ENAH: variants seen among roughly 807,000 people sequenced by gnomAD.
The protein encoded by ENAH is protein enabled homolog.
In ENAH, 23 loss-of-function variants were observed where a neutral mutation model predicts 78.7. The observed-to-expected ratio is 0.29, with a 90% CI of 0.21 to 0.41. The LOEUF is 0.41. Among genes scored for constraint, ENAH ranks in the 10% least tolerant of loss-of-function variants. The pLI is 1.00. For synonymous variants in ENAH, 226 were observed against 241.0 expected (o/e 0.94, Z 0.58); for missense variants, 544 against 691.0 (o/e 0.79, Z 2.39).
Position 225,518,132 on chromosome 1 carries a change from C to T in ENAH, c.803-826G>A, listed in dbSNP as rs183402950. ...TTAGTATCAGAGAATTAGGCACAAA[C>T]GCAAATAACTATTTTCACCCAAGAA... On this transcript the variant is annotated intron_variant, in intron 5 of 13. Transcript: ENST00000366843. 1.3e-4 allele frequency: 87 copies of T among 646,050 alleles called. No individual in the cohort carries two copies. The Admixed American group carries it at 2.0e-3, about 15-fold the overall frequency. 40.0% of individuals were successfully genotyped at this position (646,050 alleles called of 1,614,324 possible).
rs370916032 is a variant in ENAH, at chr1:225,625,123, A to C, written c.5+27563T>G. ...GCTGAGCGATAGACTTAATTTCAAA[A>C]TGGGTTTTCATTCCAAGAGTCAAAA... On this transcript the variant is annotated intron_variant, in intron 1 of 13. Coordinates refer to ENST00000366843, the MANE Select transcript of ENAH (RefSeq NM_018212.6). 9.9e-5 allele frequency among the ~76,000 whole-genome samples: 15 copies of C among 152,218 alleles called. 1 individual carries two copies. Among genetic ancestry groups the C allele is most frequent in the Admixed American group, 9.8e-4 (15 of 15,278 alleles).
At chr1:225,613,468 T>C (rs2097003360) in intron 1 of ENAH, among the ~76,000 whole-genome samples, 3 of 152,206 alleles carry the variant, frequency 2.0e-5, no homozygotes, top group South Asian at 2.1e-4. Context: ...TAATAAATAT[T>C]TGTTGATTAA....
chr1:225,517,968 C>G, intron 5 of ENAH: 1 of 1,544,064 alleles, frequency 6.5e-7, no homozygotes, highest in Non-Finnish European at 8.7e-7. Flanking sequence ...GAGCGTTATA[C>G]AGGGAGCTGT....
chr1:225,513,438 CAA>C (rs1244036671), intron 7 of ENAH, among the ~76,000 whole-genome samples: 4 of 150,294 alleles, frequency 2.7e-5, no homozygotes, highest in South Asian at 2.3e-4. Context: ...TAAAGTATAT[CAA>C]AGAGACATTA....
intron 2 of ENAH, among the ~76,000 whole-genome samples, chr1:225,563,972 C>T (rs2096721724): frequency 1.3e-5 from 2 of 152,060 alleles, no homozygotes; most frequent in Non-Finnish European, 2.9e-5. Context: ...TAGAAAGTTA[C>T]GTTTTTCTAC....
intron 5 of ENAH, chr1:225,517,989 A>C: frequency 6.5e-7 from 1 of 1,539,374 alleles, no homozygotes; most frequent in Non-Finnish European, 8.7e-7. Context: ...CTGAAGATGG[A>C]GCTGGACAGA....
chr1:225,547,738 A>G (rs942525147), intron 3 of ENAH, among the ~76,000 whole-genome samples: 1 of 152,170 alleles, frequency 6.6e-6, no homozygotes, highest in Non-Finnish European at 1.5e-5. Context: ...CTACAAACAC[A>G]GCTCATTCTT....
Position 225,491,407 on chromosome 1 carries a change from T to C in ENAH, c.*6368A>G, listed in dbSNP as rs1280290934. 1 of 151,682 alleles carries C rather than the reference T, an allele frequency of 6.6e-6. No homozygotes were observed. Among genetic ancestry groups the C allele is most frequent in the Non-Finnish European group, 1.5e-5 (1 of 67,970 alleles). The allele number at this position is 151,682 out of a possible 1,614,324, so 9.4% of individuals were successfully genotyped here. ...ATCTGCCCACCTCAGCCTCCCAAAG[T>C]GCTGGGATTACAGGCGTGAGCCACC... On this transcript the variant is annotated 3_prime_UTR_variant, in exon 14 of 14. Coordinates refer to ENST00000366843, the MANE Select transcript of ENAH (RefSeq NM_018212.6).
chr1:225,501,069 G>C lies in ENAH; in HGVS notation c.1540C>G (p.Pro514Ala). 6.2e-7 allele frequency: 1 copy of C among 1,613,688 alleles called. No individual in the cohort carries two copies. Among genetic ancestry groups the C allele is most frequent in the Non-Finnish European group, 8.5e-7 (1 of 1,179,688 alleles). ...NGSKSPVISR[P>A]KSTPLSQPSA... ...GGCTGTGATAAGGGTGTGGATTTTG[G>C]TCTGTATAAATGAGATTTCCAGGAC... The change falls in exon 12 of 14, where the codon CCA (proline) becomes GCA (alanine). Residue 514 changes from proline (P) to alanine (A), a missense_variant and splice_region_variant. This residue lies in a region of ENAH where 97 missense variants were observed against 124.4 expected (regional missense o/e 0.78). Coordinates refer to ENST00000366843, the MANE Select transcript of ENAH (RefSeq NM_018212.6).
chr1:225,499,058 C>A (rs1184376690), intron 12 of ENAH, among the ~76,000 whole-genome samples: 2 of 151,958 alleles, frequency 1.3e-5, no homozygotes, highest in Non-Finnish European at 1.5e-5. Context: ...AAAACACACA[C>A]CAGATTCCAA....
chr1:225,542,647 G>A (rs1478233636), intron 3 of ENAH, among the ~76,000 whole-genome samples: 7 of 152,178 alleles, frequency 4.6e-5, no homozygotes, highest in Admixed American at 4.6e-4. Context: ...TCAAAAATAT[G>A]TAAAATTCTA....
intron 1 of ENAH, among the ~76,000 whole-genome samples, chr1:225,598,401 CAG>C (rs1438571277): frequency 1.3e-5 from 2 of 151,638 alleles, no homozygotes; most frequent in African/African-American, 2.4e-5. Context: ...AAGGAAAAGA[CAG>C]AAAGTATATC....
In ENAH at chr1:225,519,191, T is replaced by A. The variant is rs1055657948; in HGVS notation, c.802+7A>T. The A allele has an allele frequency of 3.1e-6, 5 of 1,612,742 alleles. No individual in the cohort carries two copies. The highest frequency in any genetic ancestry group is 4.2e-6 in the Non-Finnish European group (5 of 1,178,946). ...CAAGAACACAGAAGAGTTTGTAAAC[T>A]TCTTACCAGCACTTGATATTCTGCG... On this transcript the variant is annotated splice_region_variant and intron_variant, in intron 5 of 13. Transcript: ENST00000366843.
chr1:225,572,581 T>C (rs2096768637), intron 1 of ENAH, among the ~76,000 whole-genome samples: 1 of 152,200 alleles, frequency 6.6e-6, no homozygotes, highest in South Asian at 2.1e-4. Context: ...CTTTAAAATA[T>C]GGCTGGCCTC....
intron 1 of ENAH, among the ~76,000 whole-genome samples, chr1:225,640,217 A>T (rs1301573942): frequency 6.6e-6 from 1 of 152,174 alleles, no homozygotes; most frequent in Non-Finnish European, 1.5e-5. Flanking sequence ...ATTATGTAAA[A>T]TTTTTTAAGC....
chr1:225,605,896 T>G (rs1275954414), intron 1 of ENAH, among the ~76,000 whole-genome samples: 2 of 152,172 alleles, frequency 1.3e-5, no homozygotes, highest in Non-Finnish European at 2.9e-5. Context: ...CACCTTGACC[T>G]TCTAGCCTTC....
intron 1 of ENAH, among the ~76,000 whole-genome samples, chr1:225,627,569 A>G (rs1356801788): frequency 6.6e-6 from 1 of 152,244 alleles, no homozygotes; most frequent in Non-Finnish European, 1.5e-5. Flanking sequence ...GAGACCAGAT[A>G]AGACCTCCCT....
intron 1 of ENAH, among the ~76,000 whole-genome samples, chr1:225,637,665 C>T (rs890951205): frequency 1.3e-5 from 2 of 152,114 alleles, no homozygotes; most frequent in Non-Finnish European, 2.9e-5. Flanking sequence ...AAATATTCAT[C>T]TTAAATTATA....
intron 6 of ENAH, among the ~76,000 whole-genome samples, chr1:225,516,892 A>G (rs2096422393): frequency 6.6e-6 from 1 of 151,942 alleles, no homozygotes; most frequent in South Asian, 2.1e-4. Context: ...AAAAAAAAAA[A>G]AGAAAAAAAT....
Sources: gnomAD v4.1 joint callset for allele counts (sites outside exome capture counted in the v4.1 genomes callset) on GRCh38, gnomAD v4.1.1 for gene constraint, gnomAD v4.1.1 regional missense constraint, MANE v1.5 for transcripts, NCBI Gene and HGNC (gene_info 2026-07-23, HGNC 2026-07-21) for gene names.